Variants in C19orf44 observed in about 807,000 individuals in gnomAD.
C19orf44 encodes the protein chromosome 19 open reading frame 44, also known as uncharacterized protein C19orf44.
In C19orf44, 43 loss-of-function variants were observed where a neutral mutation model predicts 50.7. The observed-to-expected ratio is 0.85, with a 90% CI of 0.66 to 1.09. The LOEUF is 1.09. Ranked by LOEUF, C19orf44 falls within the 50% of genes least tolerant of loss-of-function variation. The pLI is 0.00. For missense variants in C19orf44, 722 were observed against 836.2 expected, an observed-to-expected ratio of 0.86 and a Z score of 1.68; for synonymous variants, 298 against 334.7, an observed-to-expected ratio of 0.89 and a Z score of 1.20.
At chr19:16,517,076 C>T (rs1402639568) in intron 7 of C19orf44, among the ~76,000 whole-genome samples, 154 bp from the exon 8 acceptor site, 2 of 152,228 alleles carry the variant, frequency 1.3e-5, no homozygotes, top group Non-Finnish European at 2.9e-5. Flanking sequence ...GCCCCGTGCG[C>T]CAACCTGTCA....
chr19:16,513,426 C>T (rs531800424), intron 6 of C19orf44, among the ~76,000 whole-genome samples: 16 of 152,172 alleles, frequency 1.1e-4, no homozygotes, highest in Non-Finnish European at 2.2e-4. Context: ...CTCTGTTGCC[C>T]GGGCTGGAGT....
At chr19:16,497,540 G>T (rs571010306) in intron 1 of C19orf44, among the ~76,000 whole-genome samples, 1 of 151,410 alleles carries the variant, frequency 6.6e-6, no homozygotes, top group African/African-American at 2.4e-5. Flanking sequence ...TAGTAGAGAC[G>T]GGGTTTTACC....
rs2093423023 is a variant in C19orf44 at position 16,500,832 on chromosome 19, G to A, written c.40G>A (p.Val14Ile). The A allele has an allele frequency of 6.2e-7, 1 of 1,600,494 alleles. No homozygotes were observed. Among genetic ancestry groups the A allele is most frequent in the East Asian group, 2.2e-5 (1 of 44,800 alleles). The change falls in exon 2 of 9, where the codon GTT becomes ATT. Residue 14 changes from valine to isoleucine, a missense_variant. Val to Ile is a conservative substitution (Grantham distance 29). Transcript: ENST00000221671. ...GAAAGCCAGCCGTCCCATGCGTGATGTTTTTGGTGACTTCAGTGATGTTTC... is the reference window on the plus strand; with the variant it reads ...GAAAGCCAGCCGTCCCATGCGTGATATTTTTGGTGACTTCAGTGATGTTTC... ...ARKASRPMRD[V>I]FGDFSDVSLE...
Position 16,496,944 on chromosome 19 carries a change from C to T in C19orf44, c.-2+479C>T, listed in dbSNP as rs576026767. On this transcript the variant is annotated intron_variant, in intron 1 of 8. Coordinates refer to ENST00000221671, the MANE Select transcript of C19orf44 (RefSeq NM_032207.4). ...GGAGATCCAGACCAGCCTGGGCAAC[C>T]TGGCGAGACCCCATCTCTAAAAAAG... Among the ~76,000 whole-genome samples, 36 of 152,056 alleles carry T rather than the reference C, an allele frequency of 2.4e-4. No homozygotes were observed. The South Asian group carries it at 4.4e-3, about 18-fold the overall frequency.
At chr19:16,511,245 C>T (rs1484715059) in intron 5 of C19orf44, among the ~76,000 whole-genome samples, 2 of 152,144 alleles carry the variant, frequency 1.3e-5, no homozygotes, top group Admixed American at 6.6e-5. Flanking sequence ...CCATGCTGGC[C>T]AGGCTGGTCT....
At chr19:16,514,432 G>A (rs559165960) in intron 6 of C19orf44, 65 bp from the exon 7 acceptor site, 20 of 1,012,660 alleles carry the variant, frequency 2.0e-5, no homozygotes, top group East Asian at 3.5e-5. Flanking sequence ...CCTGAGCGGT[G>A]GGGGGGGGGC....
At chr19:16,504,579 G>C (rs1213722462) in intron 3 of C19orf44, among the ~76,000 whole-genome samples, 2 of 151,132 alleles carry the variant, frequency 1.3e-5, no homozygotes, top group Non-Finnish European at 2.9e-5. Flanking sequence ...CTAGACCAGG[G>C]GCTAGCAGGC....
chr19:16,521,031 G>T lies in C19orf44; in HGVS notation c.*978G>T. 1 of 865,368 alleles carries T rather than the reference G, an allele frequency of 1.2e-6. No homozygotes were observed. Among genetic ancestry groups the T allele is most frequent in the Non-Finnish European group, 1.9e-6 (1 of 524,102 alleles). The allele number at this position is 865,368 out of a possible 1,614,324, so 53.6% of individuals were successfully genotyped here. On this transcript the variant is annotated 3_prime_UTR_variant, in exon 9 of 9. Coordinates refer to ENST00000221671, the MANE Select transcript of C19orf44 (RefSeq NM_032207.4). ...AGAGTACATGGCCCTGTGGCTGTGGGCTCCGAGCATGGGCGCAGTAGAGCT... is the reference window on the plus strand; with the variant it reads ...AGAGTACATGGCCCTGTGGCTGTGGTCTCCGAGCATGGGCGCAGTAGAGCT...
rs759322870 is a variant in C19orf44 at position 16,517,297 on chromosome 19, T to C, written c.1970T>C (p.Leu657Pro). ...EDALEEVNKE[L>P] ...GCCCTGGAGGAGGTGAACAAGGAGC[T>C]GTGAGCGCCAGCAGGTGGAGCTTGA... The change falls in exon 8 of 9, where the codon CTG (leucine) becomes CCG (proline). Residue 657 changes from leucine (L) to proline (P), a missense_variant. By Grantham distance (98) the Leu-to-Pro change is moderately conservative. Coordinates refer to ENST00000221671, the MANE Select transcript of C19orf44 (RefSeq NM_032207.4). The C allele has an allele frequency of 1.2e-6, 2 of 1,613,912 alleles. No individual in the cohort carries two copies. Among genetic ancestry groups the C allele is most frequent in the African/African-American group, 2.7e-5 (2 of 74,930 alleles).
chr19:16,516,607 C>G (rs774620666), intron 7 of C19orf44, among the ~76,000 whole-genome samples: 1 of 152,198 alleles, frequency 6.6e-6, no homozygotes, highest in Non-Finnish European at 1.5e-5. Context: ...GTTCTCAATG[C>G]TGAGCGGTTG....
chr19:16,517,786 AGCCCCTGGACACG>A (rs2122231276), intron 8 of C19orf44: 1 of 162,636 alleles, frequency 6.1e-6, no homozygotes, highest in South Asian at 1.7e-4. Context: ...ACGCCATGTG[AGCCCCTGGACACG>A]GCCTCTGACC....
Position 16,503,380 on chromosome 19 carries a change from G to T in C19orf44, c.1075G>T (p.Glu359Ter). The change falls in exon 3 of 9, where the codon GAG (glutamate) becomes TAG (stop). Residue 359 changes from glutamate to a stop codon, truncating the protein, a stop_gained and splice_region_variant. Coordinates refer to ENST00000221671, the MANE Select transcript of C19orf44 (RefSeq NM_032207.4). LOFTEE classifies it high-confidence loss of function. Reference sequence around the variant, plus strand: ...AGAAGGTGCTGATGACAGCCTCGACGGTAATCCCAGTCCCGGTGCAAAGCC... The same window carrying T: ...AGAAGGTGCTGATGACAGCCTCGACTGTAATCCCAGTCCCGGTGCAAAGCC... ...VSEGADDSLD[E>*]FRINILSLDG... 1 of 1,606,366 alleles carries T rather than the reference G, an allele frequency of 6.2e-7. No homozygotes were observed. Among genetic ancestry groups the T allele is most frequent in the Admixed American group, 1.7e-5 (1 of 59,772 alleles).
Position 16,519,552 on chromosome 19 carries a change from G to A in C19orf44, c.*41-542G>A. On this transcript the variant is annotated intron_variant, in intron 8 of 8. Coordinates refer to ENST00000221671, the MANE Select transcript of C19orf44 (RefSeq NM_032207.4). This position sits in a 1 kb window ranked among gnomAD's most constrained non-coding sequence, Gnocchi z 6.0. ...CCCCACATGCACTGAGGAAGAGAAA[G>A]CGCTGGTGACTCCCGGGCCCAGCAC... is the stretch of plus-strand genomic sequence containing the variant. 1 of 1,420,082 alleles carries A rather than the reference G, an allele frequency of 7.0e-7. No individual in the cohort carries two copies. Among genetic ancestry groups the A allele is most frequent in the South Asian group, 1.2e-5 (1 of 86,736 alleles). The allele number at this position is 1,420,082 out of a possible 1,614,324, so 88.0% of individuals were successfully genotyped here. A position where few individuals can be genotyped will look rare whatever the true frequency, so the allele number is the denominator to read the frequency against.
chr19:16,515,808 TC>T (rs2093469860), intron 7 of C19orf44, among the ~76,000 whole-genome samples: 1 of 151,854 alleles, frequency 6.6e-6, no homozygotes, highest in Admixed American at 6.6e-5. Context: ...CTTTTTTTTT[TC>T]TTTTGAGACT....
At position 16,508,647 on chromosome 19, in the gene C19orf44, A is replaced by G. The variant is rs569228925; in HGVS notation, c.1150-852A>G. The stretch of plus-strand genomic sequence containing the variant: ...GCAATCCTCCTGCCTCGGCCTTTCA[A>G]AGTGCCGAGATTACAGGTGTGAGCC... On this transcript the variant is annotated intron_variant, in intron 4 of 8. Transcript: ENST00000221671. 5.2e-4 allele frequency among the ~76,000 whole-genome samples: 79 copies of G among 152,250 alleles called. 2 individuals are homozygous for G. The highest frequency in any genetic ancestry group is 4.4e-3 in the Admixed American group (67 of 15,268).
intron 3 of C19orf44, 109 bp from the exon 4 acceptor site, chr19:16,506,592 C>T: frequency 1.6e-6 from 1 of 613,810 alleles, no homozygotes; most frequent in Non-Finnish European, 2.4e-6. Flanking sequence ...GACTCTATCT[C>T]AAAAAAAAAA....
chr19:16,500,985 A>G lies in C19orf44; in HGVS notation c.193A>G (p.Lys65Glu). 6.2e-7 allele frequency: 1 copy of G among 1,613,626 alleles called. No homozygotes were observed. The highest frequency in any genetic ancestry group is 8.5e-7 in the Non-Finnish European group (1 of 1,179,888). ...QTLDEKHLLL[K>E]ENPVLGSGPR... Reference sequence around the variant, plus strand: ...TCTAGATGAGAAACACTTACTCCTGAAAGAGAACCCTGTGCTCGGGAGTGG... The same window carrying G: ...TCTAGATGAGAAACACTTACTCCTGGAAGAGAACCCTGTGCTCGGGAGTGG... The change falls in exon 2 of 9, where the codon AAA (lysine) becomes GAA (glutamate). Residue 65 changes from lysine to glutamate, a missense_variant. Physicochemically the swap from Lys to Glu is moderately conservative, Grantham distance 56. Transcript: ENST00000221671.
In C19orf44 at chr19:16,506,789, G is replaced by T. The variant is rs2093441900; in HGVS notation, c.1149+15G>T. 1 of 1,564,274 alleles carries T rather than the reference G, an allele frequency of 6.4e-7. No individual in the cohort carries two copies. Among genetic ancestry groups the T allele is most frequent in the East Asian group, 2.2e-5 (1 of 44,484 alleles). On this transcript the variant is annotated intron_variant, in intron 4 of 8. Transcript: ENST00000221671. ...TGGAACAGGAAGTAAGTACAACAAA[G>T]TCATTTTTCATGGTCGATTGTTTTT...
intron 5 of C19orf44, 34 bp downstream of exon 5, chr19:16,510,022 C>T (rs746626897): frequency 9.9e-6 from 16 of 1,613,774 alleles, no homozygotes; most frequent in African/African-American, 5.3e-5. Context: ...CCGGGGCAGC[C>T]GGGACAGGAG....
Sources: allele counts gnomAD v4.1 joint callset (sites outside exome capture counted in the v4.1 genomes callset), GRCh38; gene constraint gnomAD v4.1.1; non-coding constraint Gnocchi (gnomAD v3.1); transcripts MANE v1.5; gene names NCBI Gene and HGNC (gene_info 2026-07-23, HGNC 2026-07-21).